Variants in THSD7B observed in about 807,000 individuals in gnomAD.
THSD7B encodes thrombospondin type-1 domain-containing protein 7B.
THSD7B carries 138 observed loss-of-function variants against 213.6 expected under a neutral mutation model. That is an observed-to-expected ratio of 0.65 (90% CI 0.56 to 0.74). The LOEUF is 0.74. Ranked by LOEUF, THSD7B falls within the 30% of genes least tolerant of loss-of-function variation. THSD7B has a pLI of 0.00. For synonymous variants in THSD7B, 742 were observed against 687.0 expected (o/e 1.08, Z -1.25); for missense variants, 1,931 against 1,991.5 (o/e 0.97, Z 0.58).
chr2:137,102,343 A>G (rs978890486), intron 4 of THSD7B, among the ~76,000 whole-genome samples: 13 of 150,926 alleles, frequency 8.6e-5, no homozygotes, highest in Non-Finnish European at 1.5e-4. Context: ...TAGCATCAAC[A>G]TCAACAAAAA....
chr2:137,500,833 T>C (rs1200003481), intron 15 of THSD7B, among the ~76,000 whole-genome samples: 6 of 152,232 alleles, frequency 3.9e-5, no homozygotes, highest in Non-Finnish European at 8.8e-5. Context: ...GGTCAGTCAA[T>C]GCCTCCTTAC....
At chr2:137,556,394 T>G (rs561102983) in intron 15 of THSD7B, among the ~76,000 whole-genome samples, 159 of 152,258 alleles carry the variant, frequency 1.0e-3, no homozygotes, top group African/African-American at 3.6e-3. Flanking sequence ...TATTCAACAT[T>G]CTTAAAGAAA....
intron 2 of THSD7B, among the ~76,000 whole-genome samples, chr2:136,940,516 C>T (rs764978477): frequency 3.6e-4 from 54 of 151,458 alleles, no homozygotes; most frequent in Non-Finnish European, 5.6e-4. Context: ...CTCAGCCTCC[C>T]GAGTTGCTAG....
chr2:137,462,500 C>G (rs181112113), intron 15 of THSD7B, among the ~76,000 whole-genome samples: 9 of 152,112 alleles, frequency 5.9e-5, no homozygotes, highest in Non-Finnish European at 1.3e-4. Context: ...TTTCTATAAG[C>G]CAATACGAAT....
chr2:137,065,230 CTTAT>C (rs1263608870), intron 3 of THSD7B, among the ~76,000 whole-genome samples: 1 of 151,876 alleles, frequency 6.6e-6, no homozygotes, highest in East Asian at 1.9e-4. Context: ...AGATCTTTCA[CTTAT>C]TTAAGTTTAT....
chr2:137,090,662 TA>T (rs1687933768), intron 3 of THSD7B, among the ~76,000 whole-genome samples: 1 of 152,200 alleles, frequency 6.6e-6, no homozygotes, highest in Non-Finnish European at 1.5e-5. Context: ...GTATCTTTTC[TA>T]AAAAGGCAAA....
intron 20 of THSD7B, among the ~76,000 whole-genome samples, chr2:137,623,690 C>G (rs1682566299): frequency 6.6e-6 from 1 of 152,110 alleles, no homozygotes; most frequent in African/African-American, 2.4e-5. Context: ...CAATAACAGA[C>G]AAACAGAGAG....
intron 15 of THSD7B, among the ~76,000 whole-genome samples, chr2:137,506,903 C>A (rs1288486813): frequency 6.6e-6 from 1 of 152,138 alleles, no homozygotes; most frequent in Non-Finnish European, 1.5e-5. Context: ...GAATTAGCAA[C>A]CTTAAACTCT....
chr2:137,561,903 C>G (rs1200313402), intron 15 of THSD7B, among the ~76,000 whole-genome samples: 1 of 152,002 alleles, frequency 6.6e-6, no homozygotes, highest in Non-Finnish European at 1.5e-5. Flanking sequence ...TCATTTTGTC[C>G]TCACATATTT....
intron 12 of THSD7B, among the ~76,000 whole-genome samples, chr2:137,330,199 G>A (rs1271071598): frequency 3.3e-5 from 5 of 152,158 alleles, no homozygotes; most frequent in African/African-American, 7.2e-5. Context: ...TAGAGGCCTC[G>A]TAAAGAAACT....
At chr2:137,643,716 C>T (rs1229535181) in intron 21 of THSD7B, among the ~76,000 whole-genome samples, 1 of 151,916 alleles carries the variant, frequency 6.6e-6, no homozygotes, top group African/African-American at 2.4e-5. Flanking sequence ...AGAAAATAAG[C>T]TCAAAGAATT....
rs115260462 is a variant in THSD7B, at chr2:137,506,818, C to T, written c.3138+55795C>T. 8.4e-3 allele frequency among the ~76,000 whole-genome samples: 1,279 copies of T among 152,248 alleles called. 11 individuals carry two copies. Among genetic ancestry groups the T allele is most frequent in the African/African-American group, 0.029 (1,190 of 41,540 alleles). On this transcript the variant is annotated intron_variant, in intron 15 of 27. Transcript: ENST00000409968. ...AGCTACTGCAAGATGACCCAGCCTC[C>T]GGGCTCAGTAGGCAGCTAATAGTAA...
intron 2 of THSD7B, among the ~76,000 whole-genome samples, chr2:137,003,599 T>C (rs560348037): frequency 6.6e-6 from 1 of 152,306 alleles, no homozygotes; most frequent in African/African-American, 2.4e-5. Flanking sequence ...TGGTTCCTTC[T>C]CTTGTAGCAC....
chr2:136,957,170 CT>C (rs921683282), intron 2 of THSD7B, among the ~76,000 whole-genome samples: 24 of 152,260 alleles, frequency 1.6e-4, no homozygotes, highest in African/African-American at 5.5e-4. Context: ...CATTTAGTCC[CT>C]TTGTTAGTTC....
chr2:137,526,398 T>TTTG (rs371113805), intron 15 of THSD7B, among the ~76,000 whole-genome samples: 170 of 151,706 alleles, frequency 1.1e-3, no homozygotes, highest in South Asian at 3.3e-3. Context: ...AAGTTTAGGG[T>TTTG]TTGTTGTTGT....
At chr2:137,518,392 TG>T (rs1200599261) in intron 15 of THSD7B, among the ~76,000 whole-genome samples, 1 of 152,146 alleles carries the variant, frequency 6.6e-6, no homozygotes, top group Non-Finnish European at 1.5e-5. Context: ...TTGTGCACTT[TG>T]CATGGAAGGA....
At chr2:136,930,887 G>A (rs547590255) in intron 2 of THSD7B, among the ~76,000 whole-genome samples, 38 of 152,120 alleles carry the variant, frequency 2.5e-4, no homozygotes, top group African/African-American at 8.4e-4. Context: ...CCTAAGAGAC[G>A]TCTGCCCCTT....
intron 17 of THSD7B, among the ~76,000 whole-genome samples, chr2:137,581,864 G>T (rs1681587728): frequency 6.6e-6 from 1 of 151,712 alleles, no homozygotes; most frequent in Non-Finnish European, 1.5e-5. Flanking sequence ...TTGGGAGGCT[G>T]AGGCAGGTGG....
intron 10 of THSD7B, among the ~76,000 whole-genome samples, chr2:137,244,179 A>T (rs2105066943): frequency 6.6e-6 from 1 of 152,316 alleles, no homozygotes; most frequent in East Asian, 1.9e-4. Flanking sequence ...GTACCTAAAA[A>T]CATTTCAAGC....
Sources: gnomAD v4.1 joint callset for allele counts (sites outside exome capture counted in the v4.1 genomes callset) on GRCh38, gnomAD v4.1.1 for gene constraint, MANE v1.5 for transcripts, NCBI Gene and HGNC (gene_info 2026-07-23, HGNC 2026-07-21) for gene names.